GSK3B: variants seen among roughly 807,000 people sequenced by gnomAD.
GSK3B encodes the protein glycogen synthase kinase 3 beta, also known as glycogen synthase kinase-3 beta.
Under a neutral mutation model 56.4 loss-of-function variants are expected in GSK3B, and 15 were observed. That is an observed-to-expected ratio of 0.27 (90% CI 0.18 to 0.41). GSK3B has a LOEUF of 0.41. GSK3B is among the 10% of genes least tolerant of loss of function. The pLI, the probability that GSK3B is intolerant of heterozygous loss-of-function variation, is 1.00. For missense variants in GSK3B, 300 were observed against 513.4 expected (o/e 0.58, Z 4.02); for synonymous variants, 181 against 188.9 (o/e 0.96, Z 0.34).
At chr3:120,016,035 C>G (rs1347344076) in intron 1 of GSK3B, among the ~76,000 whole-genome samples, 1 of 152,154 alleles carries the variant, frequency 6.6e-6, no homozygotes, top group African/African-American at 2.4e-5. Context: ...TAACCCTTTT[C>G]CAAATAATTC....
intron 2 of GSK3B, among the ~76,000 whole-genome samples, chr3:120,000,681 C>T (rs942680465): frequency 6.6e-6 from 1 of 151,774 alleles, no homozygotes; most frequent in African/African-American, 2.4e-5. Flanking sequence ...TCTGCTATAC[C>T]ACAACATAGA....
intron 7 of GSK3B, among the ~76,000 whole-genome samples, chr3:119,885,934 A>T (rs2056431276): frequency 1.3e-5 from 2 of 152,150 alleles, no homozygotes. Context: ...AAGACCTCAA[A>T]CTATAAAAAT....
intron 10 of GSK3B, among the ~76,000 whole-genome samples, chr3:119,832,461 G>T (rs2055617345): frequency 6.6e-6 from 1 of 152,226 alleles, no homozygotes. Flanking sequence ...ATAGCTAAAT[G>T]TTGGGGGGGT....
intron 2 of GSK3B, among the ~76,000 whole-genome samples, chr3:119,981,098 G>A (rs1028542007): frequency 2.0e-5 from 3 of 152,230 alleles, no homozygotes; most frequent in East Asian, 3.8e-4. Flanking sequence ...CCTACGACAC[G>A]TGGAGTTAAA....
At chr3:119,868,988 T>C (rs1433113563) in intron 8 of GSK3B, among the ~76,000 whole-genome samples, 3 of 152,172 alleles carry the variant, frequency 2.0e-5, no homozygotes, top group Non-Finnish European at 4.4e-5. Context: ...AGTGCTCATA[T>C]GTAGCACATA....
chr3:120,047,125 T>C (rs184592794), intron 1 of GSK3B, among the ~76,000 whole-genome samples: 238 of 152,308 alleles, frequency 1.6e-3, no homozygotes, highest in Middle Eastern at 3.4e-3. Flanking sequence ...TTAAACCTTT[T>C]CACGATAGGC....
intron 2 of GSK3B, among the ~76,000 whole-genome samples, chr3:119,962,413 G>C (rs148473197): frequency 6.7e-6 from 1 of 148,708 alleles, no homozygotes; most frequent in African/African-American, 2.5e-5. Context: ...AACAAAAAAA[G>C]CCTATAACTA....
At chr3:119,961,996 G>A (rs1238482806) in intron 2 of GSK3B, among the ~76,000 whole-genome samples, 2 of 152,198 alleles carry the variant, frequency 1.3e-5, no homozygotes, top group South Asian at 2.1e-4. Context: ...TGCATTAAAT[G>A]TATTTTTGAC....
chr3:120,070,905 T>G (rs1270392996), intron 1 of GSK3B, among the ~76,000 whole-genome samples: 1 of 152,194 alleles, frequency 6.6e-6, no homozygotes, highest in Non-Finnish European at 1.5e-5. Context: ...CATTATTAGT[T>G]TTGTGTCCTT....
In GSK3B at chr3:119,952,376, G is replaced by A. The variant is rs780089942; in HGVS notation, c.283-5025C>T. ...GGTGGCACACCCCTGTAATCCCAGCGACTCGGGAGGCGGAGGCAGGAGAAT... is the reference window on the plus strand; with the variant it reads ...GGTGGCACACCCCTGTAATCCCAGCAACTCGGGAGGCGGAGGCAGGAGAAT... On this transcript the variant is annotated intron_variant, in intron 2 of 10. Coordinates refer to ENST00000264235, the MANE Select transcript of GSK3B (RefSeq NM_001146156.2). 4.6e-5 allele frequency among the ~76,000 whole-genome samples: 7 copies of A among 150,878 alleles called. No individual in the cohort carries two copies. The East Asian group carries it at 5.8e-4, about 13-fold the overall frequency.
intron 2 of GSK3B, among the ~76,000 whole-genome samples, chr3:119,954,389 T>C (rs1286616557): frequency 6.7e-6 from 1 of 149,244 alleles, no homozygotes; most frequent in African/African-American, 2.5e-5. Flanking sequence ...GAATATCACT[T>C]TACATACAGT....
intron 1 of GSK3B, among the ~76,000 whole-genome samples, chr3:120,033,200 T>C (rs2057992749): frequency 6.6e-6 from 1 of 152,252 alleles, no homozygotes; most frequent in South Asian, 2.1e-4. Flanking sequence ...GGTTCCTCAG[T>C]AATAATCCAT....
At chr3:120,016,984 G>C (rs530106969) in intron 1 of GSK3B, among the ~76,000 whole-genome samples, 1 of 152,038 alleles carries the variant, frequency 6.6e-6, no homozygotes, top group Non-Finnish European at 1.5e-5. Context: ...TTCCATACAC[G>C]TCTAAAAGGC....
intron 1 of GSK3B, among the ~76,000 whole-genome samples, chr3:120,079,305 TACACACACACACACACACACACACACAC>T (rs61338597): frequency 1.6e-5 from 2 of 128,418 alleles, no homozygotes; most frequent in Non-Finnish European, 3.2e-5. Context: ...GACAGGAAAT[TACACACACACACACACACACACACACAC>T]ACACACACAC....
chr3:120,029,084 C>A, intron 1 of GSK3B: 1 of 777,962 alleles, frequency 1.3e-6, no homozygotes, highest in South Asian at 1.6e-5. Context: ...GGATCAGCTA[C>A]TATTTGGCAA....
chr3:119,902,052 T>C (rs952739762), intron 7 of GSK3B, among the ~76,000 whole-genome samples: 2 of 152,152 alleles, frequency 1.3e-5, no homozygotes, highest in African/African-American at 4.8e-5. Flanking sequence ...TAAGGGTGCA[T>C]GACTATTACC....
chr3:120,048,345 G>C (rs1185559359), intron 1 of GSK3B, among the ~76,000 whole-genome samples: 2 of 151,948 alleles, frequency 1.3e-5, no homozygotes, highest in South Asian at 2.1e-4. Flanking sequence ...CTCTTAGAGG[G>C]GAACAAAAGG....
At chr3:119,926,417 T>A (rs983152950) in intron 3 of GSK3B, among the ~76,000 whole-genome samples, 1 of 152,004 alleles carries the variant, frequency 6.6e-6, no homozygotes, top group Non-Finnish European at 1.5e-5. Flanking sequence ...GTTCCATCTT[T>A]AAAATTTATC....
chr3:119,856,779 C>T (rs1263736549), intron 9 of GSK3B, among the ~76,000 whole-genome samples: 2 of 152,120 alleles, frequency 1.3e-5, no homozygotes, highest in South Asian at 2.1e-4. Context: ...GTCCTACACA[C>T]ATCAAGAGTT....
Sources: allele counts gnomAD v4.1 joint callset (sites outside exome capture counted in the v4.1 genomes callset), GRCh38; gene constraint gnomAD v4.1.1; transcripts MANE v1.5; gene names NCBI Gene and HGNC (gene_info 2026-07-23, HGNC 2026-07-21).